Variants in PLCL1 observed in about 807,000 individuals in gnomAD.
PLCL1 encodes the protein inactive phospholipase C-like protein 1.
PLCL1 carries 41 observed loss-of-function variants against 84.4 expected under a neutral mutation model. The observed-to-expected ratio is 0.49, with a 90% CI of 0.38 to 0.63. The LOEUF (loss-of-function observed/expected upper bound fraction) is 0.63. Among genes scored for constraint, PLCL1 ranks in the 30% least tolerant of loss-of-function variants. The pLI, the probability that PLCL1 is intolerant of heterozygous loss-of-function variation, is 0.00. For synonymous variants in PLCL1, 490 were observed against 488.3 expected (o/e 1.00, Z -0.05); for missense variants, 1,206 against 1,367.8 (o/e 0.88, Z 1.87).
chr2:198,071,777 TTAATATATTTG>T (rs1692470688), intron 1 of PLCL1, among the ~76,000 whole-genome samples: 1 of 151,892 alleles, frequency 6.6e-6, no homozygotes, highest in African/African-American at 2.4e-5. Flanking sequence ...CTTTCTGGTC[TTAATATATTTG>T]TTAAGAAAAG....
rs1409925158 is a variant in PLCL1, at chr2:197,979,509, C to T, written c.241-104249C>T. On this transcript the variant is annotated intron_variant, in intron 1 of 5. Coordinates refer to ENST00000428675, the MANE Select transcript of PLCL1 (RefSeq NM_006226.4). ...TCTGACCCTCACCACCTCTCTGCCA[C>T]CAGCTTCATCCTACTGCTATCTGTC... Among the ~76,000 whole-genome samples, 9 of 152,210 alleles carry T rather than the reference C, an allele frequency of 5.9e-5. No homozygotes were observed. In the South Asian group the frequency reaches 8.3e-4, roughly 14 times the overall value.
At chr2:197,818,935 G>A (rs186940157) in intron 1 of PLCL1, among the ~76,000 whole-genome samples, 4 of 152,074 alleles carry the variant, frequency 2.6e-5, no homozygotes, top group African/African-American at 9.7e-5. Flanking sequence ...GCTGGGACAG[G>A]GGCTGGTGAG....
In PLCL1 at chr2:197,805,879, T is replaced by A. The variant is rs1305706813; in HGVS notation, c.240+540T>A. The stretch of plus-strand genomic sequence containing the variant: ...TAAAGAGCAATGCAAGAGCCCAGAG[T>A]TTTTGCGCTGCAGAAAGCACAACCG... On this transcript the variant is annotated intron_variant, in intron 1 of 5. Transcript: ENST00000428675. The surrounding 1 kb of genome is among the most constrained non-coding windows in gnomAD (Gnocchi z 4.0). Among the ~76,000 whole-genome samples, 1 of 151,636 alleles carries A rather than the reference T, an allele frequency of 6.6e-6. No homozygotes were observed. The highest frequency in any genetic ancestry group is 1.5e-5 in the Non-Finnish European group (1 of 67,902).
intron 1 of PLCL1, among the ~76,000 whole-genome samples, chr2:198,044,014 T>G (rs147665228): frequency 1.5e-3 from 222 of 152,202 alleles, no homozygotes; most frequent in Non-Finnish European, 2.3e-3. Context: ...GTTTTCACTC[T>G]TTTTAAAACT....
intron 1 of PLCL1, among the ~76,000 whole-genome samples, chr2:197,838,112 C>T (rs561366446): frequency 5.3e-5 from 8 of 152,272 alleles, no homozygotes; most frequent in Non-Finnish European, 8.8e-5. Context: ...CATTTGCTCT[C>T]GGCTTGAAGG....
chr2:197,840,914 GACTATAGAAGT>G (rs1309010604), intron 1 of PLCL1, among the ~76,000 whole-genome samples: 2 of 152,178 alleles, frequency 1.3e-5, no homozygotes, highest in Non-Finnish European at 2.9e-5. Context: ...TGCTACCTAT[GACTATAGAAGT>G]ACATTTCAAA....
chr2:197,872,148 T>C (rs1666730319), intron 1 of PLCL1, among the ~76,000 whole-genome samples: 1 of 152,120 alleles, frequency 6.6e-6, no homozygotes, highest in Admixed American at 6.6e-5. Context: ...AATAATTTGT[T>C]AGTTTTCTCC....
rs370295601 is a variant in PLCL1 at position 197,988,835 on chromosome 2, C to T, written c.241-94923C>T. Among the ~76,000 whole-genome samples, 15 of 152,294 alleles carry T rather than the reference C, an allele frequency of 9.8e-5. 1 individual carries two copies. The highest frequency in any genetic ancestry group is 3.6e-4 in the African/African-American group (15 of 41,568). On this transcript the variant is annotated intron_variant, in intron 1 of 5. Transcript: ENST00000428675. ...TACAGGGTGTACTAATTTATGTTCCCACCAGCAGTGTATAAGTGTTCCCCT... is the reference window on the plus strand; with the variant it reads ...TACAGGGTGTACTAATTTATGTTCCTACCAGCAGTGTATAAGTGTTCCCCT...
At chr2:197,895,522 A>G (rs1688118573) in intron 1 of PLCL1, among the ~76,000 whole-genome samples, 1 of 151,968 alleles carries the variant, frequency 6.6e-6, no homozygotes, top group Admixed American at 6.6e-5. Context: ...GATATTTATA[A>G]AGCAGGTTGT....
At chr2:197,930,025 C>T (rs888327205) in intron 1 of PLCL1, among the ~76,000 whole-genome samples, 6 of 152,110 alleles carry the variant, frequency 3.9e-5, no homozygotes, top group African/African-American at 1.4e-4. Flanking sequence ...TGGGGTGAAT[C>T]TGCATGGAAG....
At chr2:198,062,021 A>T (rs1692217503) in intron 1 of PLCL1, among the ~76,000 whole-genome samples, 1 of 152,224 alleles carries the variant, frequency 6.6e-6, no homozygotes, top group African/African-American at 2.4e-5. Flanking sequence ...GACTTTAATA[A>T]ATGACGGCTC....
intron 1 of PLCL1, among the ~76,000 whole-genome samples, chr2:197,929,828 C>T (rs1423361004): frequency 1.3e-5 from 2 of 152,098 alleles, no homozygotes; most frequent in Non-Finnish European, 2.9e-5. Context: ...TTGCCTCATC[C>T]TTTATCTACT....
chr2:197,977,175 A>G (rs1360504290), intron 1 of PLCL1, among the ~76,000 whole-genome samples: 1 of 152,184 alleles, frequency 6.6e-6, no homozygotes, highest in Non-Finnish European at 1.5e-5. Flanking sequence ...AATAAGGAAA[A>G]TCTGCTATAA....
At position 197,853,724 on chromosome 2, in the gene PLCL1, C is replaced by T. The variant is rs144798761; in HGVS notation, c.240+48385C>T. 5.9e-5 allele frequency among the ~76,000 whole-genome samples: 9 copies of T among 152,210 alleles called. No individual in the cohort carries two copies. The East Asian group carries it at 1.7e-3, about 29-fold the overall frequency. ...GCATCCTGTAAGACTTGTTCAAGGG[C>T]TGCCTTCTCTAGGAAGTTGTCCCTG... On this transcript the variant is annotated intron_variant, in intron 1 of 5. Transcript: ENST00000428675.
At chr2:198,127,465 A>T (rs1289111143) in intron 5 of PLCL1, among the ~76,000 whole-genome samples, 7 of 152,184 alleles carry the variant, frequency 4.6e-5, no homozygotes, top group Admixed American at 2.6e-4. Context: ...ACATAGTTTT[A>T]CGTTACCATT....
At chr2:197,850,423 A>G (rs955040614) in intron 1 of PLCL1, among the ~76,000 whole-genome samples, 3 of 152,126 alleles carry the variant, frequency 2.0e-5, no homozygotes, top group Non-Finnish European at 4.4e-5. Flanking sequence ...TTTAGAATAT[A>G]TGATTGTCAG....
At chr2:198,134,389 A>G (rs1694202055) in intron 5 of PLCL1, among the ~76,000 whole-genome samples, 2 of 152,264 alleles carry the variant, frequency 1.3e-5, no homozygotes, top group Admixed American at 1.3e-4. Context: ...TGATTTAACT[A>G]AGAAGTAGCA....
intron 1 of PLCL1, among the ~76,000 whole-genome samples, chr2:198,054,415 C>T (rs887975223): frequency 6.6e-6 from 1 of 152,190 alleles, no homozygotes; most frequent in Admixed American, 6.5e-5. Flanking sequence ...TAGGATTGAT[C>T]ACATCTTAGG....
intron 1 of PLCL1, among the ~76,000 whole-genome samples, chr2:197,876,126 A>G (rs962537165): frequency 1.3e-5 from 2 of 152,226 alleles, no homozygotes; most frequent in Non-Finnish European, 2.9e-5. Flanking sequence ...AGTATGGTTA[A>G]GCACATTGAG....
Sources: allele counts gnomAD v4.1 joint callset (sites outside exome capture counted in the v4.1 genomes callset), GRCh38; gene constraint gnomAD v4.1.1; non-coding constraint Gnocchi (gnomAD v3.1); transcripts MANE v1.5; gene names NCBI Gene and HGNC (gene_info 2026-07-23, HGNC 2026-07-21).